PSME4: variants seen among roughly 807,000 people sequenced by gnomAD.
The protein encoded by PSME4 is proteasome activator complex subunit 4.
Under a neutral mutation model 253.9 loss-of-function variants are expected in PSME4, and 89 were observed. The ratio of observed to expected loss-of-function variants is 0.35; its 90% confidence interval spans 0.30 to 0.42. The LOEUF (loss-of-function observed/expected upper bound fraction) is 0.42, where lower values mean the gene tolerates loss of function less well. Ranked by LOEUF, PSME4 falls within the 10% of genes least tolerant of loss-of-function variation. The pLI, the probability that PSME4 is intolerant of heterozygous loss-of-function variation, is 1.00. For synonymous variants in PSME4, 851 were observed against 759.2 expected (o/e 1.12, Z -1.99); for missense variants, 2,014 against 2,195.2 (o/e 0.92, Z 1.65).
chr2:53,935,783 T>A (rs1669077395), intron 7 of PSME4, among the ~76,000 whole-genome samples: 1 of 152,204 alleles, frequency 6.6e-6, no homozygotes, highest in African/African-American at 2.4e-5. Context: ...TTTATATATG[T>A]TTTTACTAAT....
intron 41 of PSME4, 127 bp downstream of exon 41, chr2:53,885,563 C>T: frequency 1.6e-6 from 1 of 610,004 alleles, no homozygotes; most frequent in African/African-American, 1.8e-5. Context: ...TTTCCTGTGA[C>T]CATTCTACTT....
chr2:53,905,984 T>C (rs1680640163), intron 26 of PSME4, among the ~76,000 whole-genome samples: 2 of 152,194 alleles, frequency 1.3e-5, no homozygotes, highest in Admixed American at 6.5e-5. Context: ...TTGAGCATCA[T>C]GTTGGTGCTC....
At chr2:53,925,448 C>T (rs114492670) in intron 14 of PSME4, 91 bp downstream of exon 14, 37,144 of 1,145,268 alleles carry the variant, frequency 0.032, 736 homozygotes, top group Non-Finnish European at 0.036. Context: ...TGATAAACTG[C>T]ATGATATACA....
intron 1 of PSME4, among the ~76,000 whole-genome samples, chr2:53,969,748 A>T (rs1670949810): frequency 6.6e-6 from 1 of 151,376 alleles, no homozygotes. Flanking sequence ...TTACAAACAG[A>T]ACTCCTGAAA....
rs769577433 is a variant in PSME4, at chr2:53,888,832, T to A, written c.4297-20A>T. On this transcript the variant is annotated intron_variant, in intron 37 of 46. Coordinates refer to ENST00000404125, the MANE Select transcript of PSME4 (RefSeq NM_014614.3). ...GCTTTCCTGTGTTTAAAATATGATG[T>A]AACAGTTCAACAGAGAACCTACAAT... 2 of 1,553,722 alleles carry A rather than the reference T, an allele frequency of 1.3e-6. No homozygotes were observed. Among genetic ancestry groups the A allele is most frequent in the African/African-American group, 2.7e-5 (2 of 73,832 alleles).
intron 20 of PSME4, among the ~76,000 whole-genome samples, chr2:53,914,521 T>A (rs1437118505): frequency 6.6e-6 from 1 of 152,240 alleles, no homozygotes; most frequent in East Asian, 1.9e-4. Flanking sequence ...GAAAAAAATT[T>A]ATCCTTAATT....
rs1668527395 is a variant in PSME4 at position 53,925,652 on chromosome 2, T to G, written c.1696A>C (p.Thr566Pro). 10 of 1,611,014 alleles carry G rather than the reference T, an allele frequency of 6.2e-6. No homozygotes were observed. Among genetic ancestry groups the G allele is most frequent in the Non-Finnish European group, 8.5e-6 (10 of 1,177,340 alleles). The change falls in exon 14 of 47, where the codon ACA becomes CCA. Residue 566 changes from threonine to proline, a missense_variant. Transcript: ENST00000404125. ...TTCTCAGTTTCTGTCTCTTCTCTTG[T>G]TTGCTCCAATGTGCTACTTTCTATA... ...GLIESSTLEQTREETETEKMT... is the reference protein window; with the variant it reads ...GLIESSTLEQPREETETEKMT...
chr2:53,914,428 T>C (rs1667965413), intron 20 of PSME4, among the ~76,000 whole-genome samples: 1 of 152,150 alleles, frequency 6.6e-6, no homozygotes, highest in African/African-American at 2.4e-5. Context: ...GCAAAATAGG[T>C]CCTATTTTAA....
At chr2:53,965,500 G>C (rs1433235338) in intron 1 of PSME4, among the ~76,000 whole-genome samples, 1 of 152,008 alleles carries the variant, frequency 6.6e-6, no homozygotes, top group Non-Finnish European at 1.5e-5. Flanking sequence ...ACAGGCGTGA[G>C]CCGCCACACC....
intron 22 of PSME4, 67 bp downstream of exon 22, chr2:53,908,717 T>C (rs939617691): frequency 4.8e-6 from 7 of 1,462,708 alleles, no homozygotes; most frequent in Non-Finnish European, 6.6e-6. Flanking sequence ...CACATGCATG[T>C]TATAGATTAA....
Position 53,939,940 on chromosome 2 carries a change from T to C in PSME4, c.545+16A>G, listed in dbSNP as rs1360127868. The C allele has an allele frequency of 1.9e-6, 3 of 1,579,518 alleles. No homozygotes were observed. The highest frequency in any genetic ancestry group is 4.5e-5 in the East Asian group (2 of 44,556). On this transcript the variant is annotated intron_variant, in intron 4 of 46. Coordinates refer to ENST00000404125, the MANE Select transcript of PSME4 (RefSeq NM_014614.3). ...CAGAAACAACAAGAGGCTTTATAAA[T>C]TGAGAAGCTACTTACGGTCGGCAGC...
At chr2:53,947,958 G>A (rs575189374) in intron 3 of PSME4, among the ~76,000 whole-genome samples, 1 of 152,120 alleles carries the variant, frequency 6.6e-6, no homozygotes, top group East Asian at 1.9e-4. Flanking sequence ...GGAGGTTGCA[G>A]TGAGCTGAGA....
At chr2:53,912,202 C>A (rs1042232853) in intron 20 of PSME4, among the ~76,000 whole-genome samples, 1 of 152,076 alleles carries the variant, frequency 6.6e-6, no homozygotes, top group Non-Finnish European at 1.5e-5. Context: ...GAAATCTACA[C>A]ATATGGAGGG....
At chr2:53,909,189 T>C (rs1431204966) in intron 21 of PSME4, among the ~76,000 whole-genome samples, 3 of 151,576 alleles carry the variant, frequency 2.0e-5, no homozygotes, top group South Asian at 4.1e-4. Context: ...TAGTCACTAA[T>C]TAGAGATTAA....
chr2:53,896,990 C>G, intron 31 of PSME4, 105 bp from the exon 32 acceptor site: 1 of 842,804 alleles, frequency 1.2e-6, no homozygotes, highest in East Asian at 2.5e-5. Context: ...TTTAAAAAAA[C>G]ACCTCGCCTA....
chr2:53,925,149 G>A lies in PSME4; in HGVS notation c.1809+390C>T, dbSNP rs149756085. Among the ~76,000 whole-genome samples the A allele has an allele frequency of 5.3e-5, 8 of 152,170 alleles. No homozygotes were observed. In the East Asian group the frequency reaches 1.5e-3, roughly 29 times the overall value. On this transcript the variant is annotated intron_variant, in intron 14 of 46. Coordinates refer to ENST00000404125, the MANE Select transcript of PSME4 (RefSeq NM_014614.3). The stretch of plus-strand genomic sequence containing the variant: ...CCATTTTTGACATTTTTAAACAGCA[G>A]AATCACCAATAAGAAGCAAAAAAAT...
At chr2:53,953,452 C>T (rs1005293290) in intron 1 of PSME4, among the ~76,000 whole-genome samples, 2 of 140,132 alleles carry the variant, frequency 1.4e-5, no homozygotes, top group African/African-American at 5.3e-5. Context: ...GAGTTCAAGA[C>T]CAACCTGAGC....
chr2:53,901,240 G>T, intron 28 of PSME4, 110 bp downstream of exon 28: 2 of 977,818 alleles, frequency 2.0e-6, no homozygotes, highest in Non-Finnish European at 3.0e-6. Context: ...AAAAACACTG[G>T]ACTCAAATGC....
Position 53,901,395 on chromosome 2 carries a change from T to C in PSME4, c.3240A>G (p.Ala1080=). Residue 1080 remains alanine (A), a synonymous_variant, in exon 28 of 47, where the codon GCA becomes GCG. Transcript: ENST00000404125. ...TTTCATACTGCCTATGAATCTTTTC[T>C]GCAAGATCATCAAACAATCTCACTA... ...PSIVRLFDDL[A]EKIHRQYETI... is the part of the protein sequence containing the mutation. 4 of 1,614,202 alleles carry C rather than the reference T, an allele frequency of 2.5e-6. No homozygotes were observed. Among genetic ancestry groups the C allele is most frequent in the Non-Finnish European group, 3.4e-6 (4 of 1,180,016 alleles).
Sources: allele counts gnomAD v4.1 joint callset (sites outside exome capture counted in the v4.1 genomes callset), GRCh38; gene constraint gnomAD v4.1.1; transcripts MANE v1.5; gene names NCBI Gene and HGNC (gene_info 2026-07-23, HGNC 2026-07-21).